BEGAIN: variants seen among roughly 807,000 people sequenced by gnomAD.
BEGAIN encodes brain enriched guanylate kinase associated, also known as brain-enriched guanylate kinase-associated protein.
Under a neutral mutation model 35.8 loss-of-function variants are expected in BEGAIN, and 19 were observed. The ratio of observed to expected loss-of-function variants is 0.53; its 90% CI spans 0.37 to 0.78. The LOEUF (loss-of-function observed/expected upper bound fraction) is 0.78. BEGAIN is among the 30% of genes least tolerant of loss of function. The probability of loss-of-function intolerance (pLI) is 0.00; values close to 1 mark genes in which losing one functional copy is unlikely to be tolerated. For missense variants in BEGAIN, 795 were observed against 853.6 expected, an observed-to-expected ratio of 0.93 and a Z score of 0.85; for synonymous variants, 462 against 388.6, an observed-to-expected ratio of 1.19 and a Z score of -2.22.
intron 1 of BEGAIN, chr14:100,569,063 C>G (rs1159556816): frequency 1.9e-6 from 1 of 524,980 alleles, no homozygotes; most frequent in Non-Finnish European, 2.4e-6. Context: ...AGGCCCGGCC[C>G]CGGGGCCTCG....
chr14:100,551,888 G>A (rs534302495), intron 2 of BEGAIN, among the ~76,000 whole-genome samples: 28 of 152,286 alleles, frequency 1.8e-4, no homozygotes, highest in African/African-American at 6.0e-4. Flanking sequence ...GGGTCGGGGC[G>A]GTGGGCTTGG....
intron 1 of BEGAIN, among the ~76,000 whole-genome samples, chr14:100,585,796 C>T (rs954678615): frequency 3.3e-5 from 5 of 152,174 alleles, no homozygotes. Context: ...GTGCGAACAG[C>T]TCCAGGTTTT....
rs763415048 is a variant in BEGAIN, at chr14:100,563,458, G to A, written c.71+4453C>T. Among the ~76,000 whole-genome samples, 22 of 152,236 alleles carry A rather than the reference G, an allele frequency of 1.4e-4. No homozygotes were observed. The highest frequency in any genetic ancestry group is 3.9e-4 in the African/African-American group (16 of 41,460). ...GACCGTGTGAACAGCGAGACGCGGCGTCCCCCAGGAGGTGTGGCTGCTGCA... is the reference window on the plus strand; with the variant it reads ...GACCGTGTGAACAGCGAGACGCGGCATCCCCCAGGAGGTGTGGCTGCTGCA... On this transcript the variant is annotated intron_variant, in intron 2 of 6. Transcript: ENST00000554140. The surrounding 1 kb of genome is among the most constrained non-coding windows in gnomAD (Gnocchi z 4.2).
In BEGAIN at chr14:100,568,672, G is replaced by A. The variant is rs540876483; in HGVS notation, c.43-733C>T. On this transcript the variant is annotated intron_variant, in intron 1 of 6. Transcript: ENST00000554140. The surrounding 1 kb of genome is among the most constrained non-coding windows in gnomAD (Gnocchi z 7.5). ...GCTCAGCCGGGCAGCCCCTCCGCGC[G>A]CCGGGCAGGGGGACCCACCCGCCGC... Among the ~76,000 whole-genome samples, 2 of 151,834 alleles carry A rather than the reference G, an allele frequency of 1.3e-5. No homozygotes were observed. The highest frequency in any genetic ancestry group is 2.9e-5 in the Non-Finnish European group (2 of 67,908).
chr14:100,537,562 GGCAGGCCCCACGCA>G lies in BEGAIN; in HGVS notation c.*393_*406del, dbSNP rs2030740234. 5.7e-6 allele frequency: 1 copy of G among 174,192 alleles called. No homozygotes were observed. The highest frequency in any genetic ancestry group is 5.9e-5 in the Admixed American group (1 of 17,032). 10.8% of individuals were successfully genotyped at this position (174,192 alleles called of 1,614,324 possible). On this transcript the variant is annotated 3_prime_UTR_variant, in exon 7 of 7. Transcript: ENST00000554140. Reference sequence around the variant, plus strand: ...ACCGTCCTTCCCTTCCCTTCCAAGGGGCAGGCCCCACGCACCCTCGCCCAAAAAATAAAGGAGCT... The same window carrying G: ...ACCGTCCTTCCCTTCCCTTCCAAGGGCCCTCGCCCAAAAAATAAAGGAGCT...
intron 1 of BEGAIN, chr14:100,577,167 G>C (rs2035220431): frequency 7.5e-6 from 3 of 397,536 alleles, no homozygotes; most frequent in Non-Finnish European, 1.3e-5. Flanking sequence ...TTTCACCTTA[G>C]AGATTCATTC....
chr14:100,556,600 G>A (rs1190036637), intron 2 of BEGAIN, among the ~76,000 whole-genome samples: 1 of 152,170 alleles, frequency 6.6e-6, no homozygotes, highest in Non-Finnish European at 1.5e-5. Flanking sequence ...CCTGGGTCAG[G>A]AGCCCTCTTC....
At position 100,568,565 on chromosome 14, in the gene BEGAIN, G is replaced by A. The variant is rs1401695916; in HGVS notation, c.43-626C>T. On this transcript the variant is annotated intron_variant, in intron 1 of 6. Transcript: ENST00000554140. The surrounding 1 kb of genome is among the most constrained non-coding windows in gnomAD (Gnocchi z 7.5). The stretch of plus-strand genomic sequence containing the variant: ...GGGCCCCAGGGATTAACCCGTGAGC[G>A]CCCGGCTCGCCGGCGGGGCTCCCTG... 8.0e-6 allele frequency: 10 copies of A among 1,251,152 alleles called. No individual in the cohort carries two copies. The Middle Eastern group carries it at 9.2e-4, about 115-fold the overall frequency. The allele number at this position is 1,251,152 out of a possible 1,614,324, so 77.5% of individuals were successfully genotyped here. A position where few individuals can be genotyped will look rare whatever the true frequency, so the allele number is the denominator to read the frequency against.
In BEGAIN at chr14:100,538,230, A is replaced by C. The variant is rs2030890582; in HGVS notation, c.1578T>G (p.Ala526=). 1 of 1,568,876 alleles carries C rather than the reference A, an allele frequency of 6.4e-7. No individual in the cohort carries two copies. The highest frequency in any genetic ancestry group is 1.4e-5 in the African/African-American group (1 of 73,724). Residue 526 remains alanine, a synonymous_variant, in exon 7 of 7, where the codon GCT becomes GCG. Transcript: ENST00000554140. ...GDLSLSPGRS[A]DPLPGYAPSE... ...TGGGTGCATAGCCGGGCAGTGGGTC[A>C]GCCGAGCGGCCGGGACTGAGGCTCA... is the stretch of plus-strand genomic sequence containing the variant.
intron 2 of BEGAIN, among the ~76,000 whole-genome samples, chr14:100,552,332 C>T (rs1454445866): frequency 2.6e-5 from 4 of 152,178 alleles, no homozygotes; most frequent in African/African-American, 7.2e-5. Context: ...ACTGGTGACC[C>T]GCTCTGGTTC....
At chr14:100,575,381 G>A (rs1028612755) in intron 1 of BEGAIN, among the ~76,000 whole-genome samples, 2 of 152,138 alleles carry the variant, frequency 1.3e-5, no homozygotes, top group African/African-American at 2.4e-5. Flanking sequence ...TCATCCCGGC[G>A]GCTGAATCCC....
rs1018889822 is a variant in BEGAIN at position 100,540,514 on chromosome 14, C to T, written c.474G>A (p.Arg158=). The change falls in exon 6 of 7, where the codon AGG becomes AGA. Residue 158 remains arginine (R), a synonymous_variant. Coordinates refer to ENST00000554140, the MANE Select transcript of BEGAIN (RefSeq NM_001385089.1). ...QLLQCSQTYG[R]VHKVSELPSD... ...ACGTTACCTCAGACACCTTGTGGAC[C>T]CTGCCGTAGGTCTGGCTGCACTGCA... 1.9e-6 allele frequency: 3 copies of T among 1,603,538 alleles called. No individual in the cohort carries two copies. The highest frequency in any genetic ancestry group is 2.6e-6 in the Non-Finnish European group (3 of 1,175,350).
At chr14:100,540,466 G>C in intron 6 of BEGAIN, 30 bp downstream of exon 6, 1 of 1,536,706 alleles carries the variant, frequency 6.5e-7, no homozygotes, top group Admixed American at 1.9e-5. Context: ...GTCCCGGGGC[G>C]GGGTGGGCCT....
chr14:100,538,815 G>A lies in BEGAIN; in HGVS notation c.993C>T (p.His331=), dbSNP rs762782251. ...ACGCGGTCAGCGTGCTGGCCTGCGCGTGCTCCTTCTCCTCCGACGTGGCGC... is the reference window on the plus strand; with the variant it reads ...ACGCGGTCAGCGTGCTGGCCTGCGCATGCTCCTTCTCCTCCGACGTGGCGC... The part of the protein sequence containing the change: ...SFSATSEEKE[H]AQASTLTASQ... The change falls in exon 7 of 7, where the codon CAC becomes CAT. Residue 331 remains histidine (H), a synonymous_variant. Coordinates refer to ENST00000554140, the MANE Select transcript of BEGAIN (RefSeq NM_001385089.1). The A allele has an allele frequency of 1.9e-6, 3 of 1,603,886 alleles. No individual in the cohort carries two copies. Among genetic ancestry groups the A allele is most frequent in the Non-Finnish European group, 2.5e-6 (3 of 1,177,022 alleles).
chr14:100,550,801 G>T (rs1209795609), intron 2 of BEGAIN, among the ~76,000 whole-genome samples: 1 of 152,194 alleles, frequency 6.6e-6, no homozygotes, highest in East Asian at 1.9e-4. Flanking sequence ...AGGGTCACTG[G>T]TCACTCGCTC....
At chr14:100,583,692 C>CTTTT (rs56090356) in intron 1 of BEGAIN, among the ~76,000 whole-genome samples, 8 of 108,990 alleles carry the variant, frequency 7.3e-5, no homozygotes, top group African/African-American at 2.5e-4. Flanking sequence ...GTTTTTCTTC[C>CTTTT]TTTTTTTTTT....
At chr14:100,561,250 G>A (rs528192568) in intron 2 of BEGAIN, among the ~76,000 whole-genome samples, 1 of 152,296 alleles carries the variant, frequency 6.6e-6, no homozygotes, top group African/African-American at 2.4e-5. Flanking sequence ...CTCCTTCACG[G>A]GAATGATGTC....
At chr14:100,580,969 A>T (rs745698611) in intron 1 of BEGAIN, among the ~76,000 whole-genome samples, 2 of 152,126 alleles carry the variant, frequency 1.3e-5, no homozygotes, top group African/African-American at 2.4e-5. Flanking sequence ...ATGGTCCCCG[A>T]CAGTCGCCCC....
At chr14:100,576,941 G>A (rs958432408) in intron 1 of BEGAIN, among the ~76,000 whole-genome samples, 8 of 152,272 alleles carry the variant, frequency 5.3e-5, no homozygotes, top group Non-Finnish European at 1.2e-4. Context: ...CATATAATTG[G>A]GGCAGCTATG....
Sources: gnomAD v4.1 joint callset for allele counts (sites outside exome capture counted in the v4.1 genomes callset) on GRCh38, gnomAD v4.1.1 for gene constraint, Gnocchi (gnomAD v3.1) non-coding constraint, MANE v1.5 for transcripts, NCBI Gene and HGNC (gene_info 2026-07-23, HGNC 2026-07-21) for gene names.